LDLRAD4: variants seen among roughly 807,000 people sequenced by gnomAD.
The protein encoded by LDLRAD4 is low density lipoprotein receptor class A domain containing 4.
Under a neutral mutation model 17.0 loss-of-function variants are expected in LDLRAD4, and 5 were observed. That is an observed-to-expected ratio of 0.29 (90% CI 0.15 to 0.62). The LOEUF (loss-of-function observed/expected upper bound fraction) is 0.62. Ranked by LOEUF, LDLRAD4 falls within the 20% of genes least tolerant of loss-of-function variation. The pLI is 0.84. For missense variants in LDLRAD4, 340 were observed against 424.7 expected (o/e 0.80, Z 1.75); for synonymous variants, 168 against 171.8 (o/e 0.98, Z 0.17).
At chr18:13,309,826 T>A (rs940230145) in intron 1 of LDLRAD4, among the ~76,000 whole-genome samples, 1 of 152,142 alleles carries the variant, frequency 6.6e-6, no homozygotes, top group East Asian at 1.9e-4. Context: ...GTCTTGGTGA[T>A]GGGTGCACAT....
chr18:13,519,597 T>A (rs1364302750), intron 3 of LDLRAD4: 1 of 152,004 alleles, frequency 6.6e-6, no homozygotes, highest in Non-Finnish European at 1.5e-5. Context: ...CCCGGCCCTA[T>A]TAAAAAAATG....
intron 1 of LDLRAD4, among the ~76,000 whole-genome samples, chr18:13,326,634 C>G (rs4570934): frequency 0.4 from 60,567 of 152,082 alleles, 12,606 homozygotes; most frequent in African/African-American, 0.52. Flanking sequence ...CCCTTCCAGA[C>G]CCCTGAGGCT....
chr18:13,474,333 C>T (rs767698231), intron 3 of LDLRAD4, among the ~76,000 whole-genome samples: 1 of 152,186 alleles, frequency 6.6e-6, no homozygotes, highest in Admixed American at 6.5e-5. Context: ...CCCCTGCAGC[C>T]CTTGGGCTGC....
At chr18:13,219,281 C>A (rs967774475) in intron 1 of LDLRAD4, among the ~76,000 whole-genome samples, 2 of 152,070 alleles carry the variant, frequency 1.3e-5, no homozygotes, top group Non-Finnish European at 2.9e-5. Flanking sequence ...TTAGCTCTGC[C>A]CAGGCACAGG....
intron 1 of LDLRAD4, chr18:13,382,443 T>A (rs1045096039): frequency 6.6e-6 from 1 of 152,252 alleles, no homozygotes; most frequent in Non-Finnish European, 1.5e-5. Flanking sequence ...GTTTTTAAAA[T>A]GTCCCTTCCT....
intron 3 of LDLRAD4, among the ~76,000 whole-genome samples, chr18:13,506,408 C>T (rs113978077): frequency 0.051 from 6,931 of 136,486 alleles, 193 homozygotes; most frequent in African/African-American, 0.078. Flanking sequence ...ACTCCGTTTA[C>T]GGTAGGCTTG....
At chr18:13,387,656 C>T in exon 2 of LDLRAD4, 5 of 1,456,766 alleles carry the variant, frequency 3.4e-6, no homozygotes, top group African/African-American at 1.4e-5. Context: ...GTGACCTGAG[C>T]CTCGCCCGGC....
intron 3 of LDLRAD4, among the ~76,000 whole-genome samples, chr18:13,582,800 C>T (rs1243210476): frequency 6.6e-6 from 1 of 152,244 alleles, no homozygotes; most frequent in African/African-American, 2.4e-5. Context: ...GCAGCCTCGA[C>T]CTCCCAGGCG....
intron 4 of LDLRAD4, among the ~76,000 whole-genome samples, chr18:13,634,775 A>C (rs1044701269): frequency 7.3e-6 from 1 of 137,376 alleles, no homozygotes; most frequent in South Asian, 2.3e-4. Context: ...AATAATCTCA[A>C]AAAAAAAAAA....
chr18:13,520,348 G>C (rs917687310), intron 3 of LDLRAD4: 1 of 152,170 alleles, frequency 6.6e-6, no homozygotes, highest in Non-Finnish European at 1.5e-5. Context: ...CATCACCCTA[G>C]ACTCTAGGGT....
chr18:13,482,448 C>CA (rs1328245528), intron 3 of LDLRAD4, among the ~76,000 whole-genome samples: 5 of 152,144 alleles, frequency 3.3e-5, no homozygotes, highest in Admixed American at 6.5e-5. Context: ...TCTGTATTGG[C>CA]AAAAAACACT....
intron 1 of LDLRAD4, among the ~76,000 whole-genome samples, chr18:13,376,764 G>A (rs1195036099): frequency 6.6e-6 from 1 of 152,204 alleles, no homozygotes; most frequent in Non-Finnish European, 1.5e-5. Flanking sequence ...TGCCTGGCGG[G>A]ATACATGGTA....
chr18:13,395,356 A>G (rs1463728786), intron 2 of LDLRAD4, among the ~76,000 whole-genome samples: 1 of 140,474 alleles, frequency 7.1e-6, no homozygotes, highest in Non-Finnish European at 1.5e-5. Context: ...TTGTCATGCC[A>G]TACTTCTGTC....
At chr18:13,517,744 TTTG>T (rs148153340) in intron 3 of LDLRAD4, among the ~76,000 whole-genome samples, 45,341 of 151,304 alleles carry the variant, frequency 0.3, 7,035 homozygotes, top group Middle Eastern at 0.49. Flanking sequence ...TTTCTTTTTT[TTTG>T]TTTGTTTTTG....
intron 2 of LDLRAD4, among the ~76,000 whole-genome samples, chr18:13,399,725 A>T (rs970954017): frequency 3.9e-5 from 6 of 152,232 alleles, no homozygotes; most frequent in Admixed American, 3.9e-4. Context: ...TGGCAGCATT[A>T]TCGGAATTCC....
At chr18:13,251,575 A>G (rs12455153) in intron 1 of LDLRAD4, among the ~76,000 whole-genome samples, 3,905 of 152,352 alleles carry the variant, frequency 0.026, 92 homozygotes, top group Middle Eastern at 0.071. Flanking sequence ...TCTATAGACA[A>G]ACAACTAGGT....
At chr18:13,325,401 C>T (rs1162390294) in intron 1 of LDLRAD4, among the ~76,000 whole-genome samples, 4 of 152,212 alleles carry the variant, frequency 2.6e-5, no homozygotes, top group African/African-American at 9.6e-5. Flanking sequence ...TTTGAGACGG[C>T]TCCAACCAGA....
chr18:13,503,609 G>A (rs1260954939), intron 3 of LDLRAD4, among the ~76,000 whole-genome samples: 1 of 152,190 alleles, frequency 6.6e-6, no homozygotes, highest in African/African-American at 2.4e-5. Flanking sequence ...GCAGCCCCAT[G>A]TGAGATGAAA....
At chr18:13,639,926 G>A (rs1177936506) in intron 4 of LDLRAD4, among the ~76,000 whole-genome samples, 1 of 152,136 alleles carries the variant, frequency 6.6e-6, no homozygotes, top group Admixed American at 6.5e-5. Context: ...CACAACTCTG[G>A]CCACATTATG....
Sources: allele counts gnomAD v4.1 joint callset (sites outside exome capture counted in the v4.1 genomes callset), GRCh38; gene constraint gnomAD v4.1.1; transcripts MANE v1.5; gene names NCBI Gene and HGNC (gene_info 2026-07-23, HGNC 2026-07-21).